Variants in NCKAP5 observed in about 807,000 individuals in gnomAD.
The protein encoded by NCKAP5 is NCK associated protein 5, also known as nck-associated protein 5.
Under a neutral mutation model 167.0 loss-of-function variants are expected in NCKAP5, and 92 were observed. The ratio of observed to expected loss-of-function variants is 0.55; its 90% confidence interval spans 0.47 to 0.66. The LOEUF (loss-of-function observed/expected upper bound fraction) is 0.66, where lower values mean the gene tolerates loss of function less well. Ranked by LOEUF, NCKAP5 falls within the 30% of genes least tolerant of loss-of-function variation. The pLI is 0.00. For missense variants in NCKAP5, 2,378 were observed against 2,315.0 expected, an observed-to-expected ratio of 1.03 and a Z score of -0.56; for synonymous variants, 891 against 877.4, an observed-to-expected ratio of 1.02 and a Z score of -0.27.
chr2:133,345,093 T>C (rs1683876077), intron 3 of NCKAP5, among the ~76,000 whole-genome samples: 1 of 151,944 alleles, frequency 6.6e-6, no homozygotes. Flanking sequence ...TAGAAAGAGG[T>C]GTGAATCATT....
intron 6 of NCKAP5, among the ~76,000 whole-genome samples, chr2:133,088,643 C>G (rs1428630616): frequency 6.6e-6 from 1 of 152,032 alleles, no homozygotes; most frequent in African/African-American, 2.4e-5. Context: ...TTATGTAATG[C>G]TGCCTTTACT....
chr2:133,605,372 A>G, the NCKAP5 span, among the ~76,000 whole-genome samples: 1 of 152,076 alleles, frequency 6.6e-6, no homozygotes, highest in East Asian at 1.9e-4. Context: ...GAGGGCACTG[A>G]GCTTGAATTC....
In NCKAP5 at chr2:133,303,085, A is replaced by G. The variant is rs1559366287; in HGVS notation, c.95T>C (p.Ile32Thr). Residue 32 changes from isoleucine to threonine, a missense_variant, in exon 4 of 20, where the codon ATT (isoleucine) becomes ACT (threonine). Ile to Thr is a moderately conservative substitution (Grantham distance 89). Coordinates refer to ENST00000409261, the MANE Select transcript of NCKAP5 (RefSeq NM_207363.3). ...CTCAAGCTGAGTCAGCAGATGCTCA[A>G]TGTATTTATTGGAGTCCATGTATTC... ...LVEYMDSNKY[I>T]EHLLTQLEEQ... 6.3e-7 allele frequency: 1 copy of G among 1,594,444 alleles called. No individual in the cohort carries two copies. Among genetic ancestry groups the G allele is most frequent in the Non-Finnish European group, 8.5e-7 (1 of 1,169,840 alleles).
intron 11 of NCKAP5, among the ~76,000 whole-genome samples, chr2:132,854,596 C>A (rs1689318573): frequency 6.6e-6 from 1 of 152,232 alleles, no homozygotes; most frequent in Admixed American, 6.5e-5. Context: ...TCTGCTGGGC[C>A]TTCCCCAGGG....
intron 3 of NCKAP5, among the ~76,000 whole-genome samples, chr2:133,484,816 A>C (rs1290304091): frequency 6.6e-6 from 1 of 152,152 alleles, no homozygotes; most frequent in Non-Finnish European, 1.5e-5. Flanking sequence ...TCAAAAAAAA[A>C]TTGAAATCTG....
At chr2:132,831,654 C>T (rs182392857) in intron 11 of NCKAP5, among the ~76,000 whole-genome samples, 2 of 151,766 alleles carry the variant, frequency 1.3e-5, no homozygotes, top group East Asian at 3.9e-4. Flanking sequence ...GAATTTTTCC[C>T]TCTCTGTTTC....
chr2:133,581,844 G>T, the NCKAP5 span, among the ~76,000 whole-genome samples: 1 of 152,206 alleles, frequency 6.6e-6, no homozygotes, highest in Non-Finnish European at 1.5e-5. Flanking sequence ...GCTTTGAAAA[G>T]CAGGGGCCAT....
In NCKAP5 at chr2:133,048,637, A is replaced by G. The variant is rs766889782; in HGVS notation, c.342-54398T>C. Among the ~76,000 whole-genome samples, 93 of 152,230 alleles carry G rather than the reference A, an allele frequency of 6.1e-4. 1 individual carries two copies. Among genetic ancestry groups the G allele is most frequent in the Non-Finnish European group, 1.2e-3 (84 of 68,040 alleles). ...GGTTTATTGGACAAATTAAAATTCA[A>G]TCTAGTAATATACCACTCATATTGT... On this transcript the variant is annotated intron_variant, in intron 6 of 19. Transcript: ENST00000409261.
intron 6 of NCKAP5, among the ~76,000 whole-genome samples, chr2:133,019,393 A>C (rs2078450284): frequency 6.6e-6 from 1 of 152,174 alleles, no homozygotes; most frequent in Non-Finnish European, 1.5e-5. Flanking sequence ...GGGCAGGGGA[A>C]GGAAGGAAAA....
chr2:132,946,344 C>T (rs922584997), intron 8 of NCKAP5, among the ~76,000 whole-genome samples: 23 of 152,108 alleles, frequency 1.5e-4, no homozygotes, highest in Non-Finnish European at 3.1e-4. Flanking sequence ...GTATCTAGAG[C>T]CATCTTTAGG....
chr2:132,791,101 T>C (rs1225776820), intron 12 of NCKAP5, among the ~76,000 whole-genome samples: 1 of 152,204 alleles, frequency 6.6e-6, no homozygotes, highest in East Asian at 1.9e-4. Context: ...CTAACTTCTG[T>C]GGTCTTTAAT....
chr2:132,903,495 G>A (rs1693781491), intron 8 of NCKAP5, among the ~76,000 whole-genome samples: 1 of 152,184 alleles, frequency 6.6e-6, no homozygotes, highest in Non-Finnish European at 1.5e-5. Flanking sequence ...TATTTAATGT[G>A]TTGATGTGAC....
chr2:133,206,874 C>A (rs142270582), intron 5 of NCKAP5, among the ~76,000 whole-genome samples: 6 of 152,016 alleles, frequency 3.9e-5, no homozygotes, highest in Non-Finnish European at 7.4e-5. Context: ...CTGTCTTATG[C>A]GGTTGAGATA....
the NCKAP5 span, among the ~76,000 whole-genome samples, chr2:133,666,825 G>A: frequency 6.6e-6 from 1 of 151,870 alleles, no homozygotes; most frequent in African/African-American, 2.4e-5. Flanking sequence ...CTGTCTCATA[G>A]CAACCCACCT....
the NCKAP5 span, among the ~76,000 whole-genome samples, chr2:133,583,203 G>C: frequency 3.9e-5 from 6 of 152,138 alleles, no homozygotes; most frequent in Non-Finnish European, 7.3e-5. Context: ...GTTGGAGGTA[G>C]GGCCTGGTGG....
the NCKAP5 span, among the ~76,000 whole-genome samples, chr2:133,580,913 T>C: frequency 1.3e-5 from 2 of 152,184 alleles, no homozygotes; most frequent in African/African-American, 4.8e-5. Context: ...AGCTCCAAAC[T>C]CAACAGCTAC....
chr2:132,972,496 C>T (rs1015360428), intron 7 of NCKAP5, among the ~76,000 whole-genome samples: 1 of 152,088 alleles, frequency 6.6e-6, no homozygotes, highest in African/African-American at 2.4e-5. Flanking sequence ...AAGGCTGAGG[C>T]AGGTGGATCA....
At chr2:133,023,368 T>C (rs573786959) in intron 6 of NCKAP5, among the ~76,000 whole-genome samples, 1 of 152,370 alleles carries the variant, frequency 6.6e-6, no homozygotes, top group African/African-American at 2.4e-5. Flanking sequence ...TGTTCTATTA[T>C]AATGTTCTTA....
intron 5 of NCKAP5, among the ~76,000 whole-genome samples, chr2:133,208,035 T>G (rs1010945105): frequency 1.3e-5 from 2 of 152,042 alleles, no homozygotes; most frequent in African/African-American, 4.8e-5. Context: ...TGACCAAGAT[T>G]CATCTCAACA....
Sources: allele counts gnomAD v4.1 joint callset (sites outside exome capture counted in the v4.1 genomes callset), GRCh38; gene constraint gnomAD v4.1.1; transcripts MANE v1.5; gene names NCBI Gene and HGNC (gene_info 2026-07-23, HGNC 2026-07-21).